PCDHA5: variants seen among roughly 807,000 people sequenced by gnomAD.
The protein encoded by PCDHA5 is protocadherin alpha-5.
PCDHA5 carries 43 observed loss-of-function variants against 61.6 expected under a neutral mutation model. The observed-to-expected ratio is 0.70, with a 90% confidence interval of 0.55 to 0.90. The LOEUF (loss-of-function observed/expected upper bound fraction) is 0.90. PCDHA5 is among the 40% of genes least tolerant of loss of function. PCDHA5 has a pLI of 0.00. For missense variants in PCDHA5, 1,298 were observed against 1,222.7 expected (o/e 1.06, Z -0.92); for synonymous variants, 627 against 543.9 (o/e 1.15, Z -2.13).
intron 1 of PCDHA5, chr5:140,830,564 T>A: frequency 1.0e-6 from 1 of 986,290 alleles, no homozygotes; most frequent in South Asian, 3.1e-5. Flanking sequence ...CTTCTATATT[T>A]CTGTTTTTAA....
At position 140,900,792 on chromosome 5, in the gene PCDHA5, C is replaced by T. The variant is rs373914544; in HGVS notation, c.2352+76665C>T. On this transcript the variant is annotated intron_variant, in intron 1 of 3. Transcript: ENST00000529859. ...CTTTTTGAGGAAACTCCAAACTGTT[C>T]TCCATAGTGCTTGTACTAATTTACA... 1.1e-4 allele frequency among the ~76,000 whole-genome samples: 16 copies of T among 152,298 alleles called. No individual in the cohort carries two copies. The South Asian group carries it at 1.5e-3, about 14-fold the overall frequency.
At chr5:140,873,161 C>G (rs946054760) in intron 1 of PCDHA5, among the ~76,000 whole-genome samples, 2 of 152,012 alleles carry the variant, frequency 1.3e-5, no homozygotes, top group South Asian at 2.1e-4. Context: ...GACTTTAGAT[C>G]GAGAGCTTTT....
Position 140,822,479 on chromosome 5 carries a change from A to G in PCDHA5, c.704A>G (p.Asn235Ser). The change falls in exon 1 of 4, where the codon AAT becomes AGT. Residue 235 changes from asparagine to serine, a missense_variant. Transcript: ENST00000529859. ...VQLLINVLDA[N>S]DNAPEFDKSI... The stretch of plus-strand genomic sequence containing the variant: ...TTGTTGATCAATGTATTGGATGCTA[A>G]TGATAACGCCCCAGAATTTGATAAA... 5 of 1,613,856 alleles carry G rather than the reference A, an allele frequency of 3.1e-6. No homozygotes were observed. The highest frequency in any genetic ancestry group is 4.2e-6 in the Non-Finnish European group (5 of 1,179,942).
chr5:140,925,806 C>A (rs2082736423), intron 1 of PCDHA5, among the ~76,000 whole-genome samples: 1 of 152,148 alleles, frequency 6.6e-6, no homozygotes, highest in South Asian at 2.1e-4. Flanking sequence ...TTCCCCTCCA[C>A]TTCTCACGTC....
At chr5:140,842,020 G>A in intron 1 of PCDHA5, 1 of 1,613,768 alleles carries the variant, frequency 6.2e-7, no homozygotes, top group South Asian at 1.1e-5. Flanking sequence ...TCACAGTGCT[G>A]GATGTGAATG....
At chr5:140,862,583 A>C in intron 1 of PCDHA5, 1 of 494,044 alleles carries the variant, frequency 2.0e-6, no homozygotes, top group South Asian at 1.6e-5. Flanking sequence ...GCGTTCCAGC[A>C]GCCCGAGTAC....
chr5:140,963,526 T>G (rs1359195018), intron 1 of PCDHA5, among the ~76,000 whole-genome samples: 3 of 152,204 alleles, frequency 2.0e-5, no homozygotes, highest in Non-Finnish European at 4.4e-5. Flanking sequence ...ATAACAGAAG[T>G]CCCATTTACT....
chr5:140,941,218 T>TCTTTCTTC, intron 1 of PCDHA5, among the ~76,000 whole-genome samples: 1 of 125,730 alleles, frequency 8.0e-6, no homozygotes, highest in African/African-American at 3.3e-5. Context: ...TTTCTTCCTT[T>TCTTTCTTC]CTTTCTTTCT....
chr5:141,002,335 ACC>A (rs1554258611), intron 3 of PCDHA5, among the ~76,000 whole-genome samples: 81 of 152,230 alleles, frequency 5.3e-4, no homozygotes, highest in African/African-American at 2.0e-3. Flanking sequence ...CTGCATCCGC[ACC>A]CCTTCCCCCA....
intron 1 of PCDHA5, among the ~76,000 whole-genome samples, chr5:140,893,546 A>T (rs765690335): frequency 2.0e-5 from 3 of 152,210 alleles, no homozygotes; most frequent in Non-Finnish European, 4.4e-5. Context: ...TGTAGGACTT[A>T]TCTAGTTGTA....
intron 1 of PCDHA5, among the ~76,000 whole-genome samples, chr5:140,832,944 A>C (rs1253078122): frequency 6.6e-6 from 1 of 152,194 alleles, no homozygotes; most frequent in African/African-American, 2.4e-5. Flanking sequence ...AGAGTAACTT[A>C]AGTGAGTATA....
At chr5:140,954,297 C>T (rs1369831854) in intron 1 of PCDHA5, among the ~76,000 whole-genome samples, 2 of 152,180 alleles carry the variant, frequency 1.3e-5, no homozygotes, top group African/African-American at 4.8e-5. Flanking sequence ...TGGGTACATA[C>T]CCAGTAATGG....
Position 140,823,555 on chromosome 5 carries a change from C to A in PCDHA5, c.1780C>A (p.Arg594Ser). The change falls in exon 1 of 4, where the codon CGC becomes AGC. Residue 594 changes from arginine to serine, a missense_variant. Transcript: ENST00000529859. ...TGCGGGCCACGTGGTGGCGAAGGTG[C>A]GCGCAGTGGACCCTGATTCGGGCTA... The part of the protein sequence containing the change: ...VGAGHVVAKV[R>S]AVDPDSGYNA... The A allele has an allele frequency of 6.2e-7, 1 of 1,613,846 alleles. No homozygotes were observed. The highest frequency in any genetic ancestry group is 8.5e-7 in the Non-Finnish European group (1 of 1,179,902).
intron 1 of PCDHA5, among the ~76,000 whole-genome samples, chr5:140,973,724 G>T (rs1272606867): frequency 6.6e-6 from 1 of 152,176 alleles, no homozygotes; most frequent in Non-Finnish European, 1.5e-5. Context: ...CATCACATGG[G>T]CATCTGGTCT....
At position 140,940,270 on chromosome 5, in the gene PCDHA5, G is replaced by A. The variant is rs1236320412; in HGVS notation, c.2353-38679G>A. Among the ~76,000 whole-genome samples, 4 of 152,094 alleles carry A rather than the reference G, an allele frequency of 2.6e-5. No homozygotes were observed. In the East Asian group the frequency reaches 7.7e-4, roughly 29 times the overall value. ...TCCTCAATATCTTCTGGGTTCCACT[G>A]TTGTCTCATTGTGCTGCTTCATCAG... On this transcript the variant is annotated intron_variant, in intron 1 of 3. Transcript: ENST00000529859.
Position 140,824,124 on chromosome 5 carries a change from C to G in PCDHA5, c.2349C>G (p.Asp783Glu), listed in dbSNP as rs2150132311. 59 of 1,613,132 alleles carry G rather than the reference C, an allele frequency of 3.7e-5. No individual in the cohort carries two copies. The highest frequency in any genetic ancestry group is 4.8e-5 in the Non-Finnish European group (57 of 1,179,186). ...PSLPQGPTST[D>E]NPRQPNPDWR... is the part of the protein sequence containing the mutation. ...TTCCTCAGGGTCCCACCTCTACAGA[C>G]AACGTGAGTTTTCTAATATTAACAT... The change falls in exon 1 of 4, where the codon GAC (aspartate) becomes GAG (glutamate). Residue 783 changes from aspartate (D) to glutamate (E), a missense_variant. Physicochemically the swap from Asp to Glu is conservative, Grantham distance 45 (BLOSUM62 2). Coordinates refer to ENST00000529859, the MANE Select transcript of PCDHA5 (RefSeq NM_018908.3).
At position 140,835,207 on chromosome 5, in the gene PCDHA5, G is replaced by A. The variant is rs2150231838; in HGVS notation, c.2352+11080G>A. The A allele has an allele frequency of 5.0e-5, 79 of 1,567,382 alleles. No individual in the cohort carries two copies. Among genetic ancestry groups the A allele is most frequent in the Non-Finnish European group, 6.5e-5 (75 of 1,153,980 alleles). On this transcript the variant is annotated intron_variant, in intron 1 of 3. Coordinates refer to ENST00000529859, the MANE Select transcript of PCDHA5 (RefSeq NM_018908.3). Reference sequence around the variant, plus strand: ...TCAGATTTAGACGAAGGCTTGAATGGGGATATTATTTACTCCTTCTCCAGT... The same window carrying A: ...TCAGATTTAGACGAAGGCTTGAATGAGGATATTATTTACTCCTTCTCCAGT...
intron 3 of PCDHA5, among the ~76,000 whole-genome samples, chr5:140,999,478 T>C (rs2097859281): frequency 6.6e-6 from 1 of 152,172 alleles, no homozygotes; most frequent in Non-Finnish European, 1.5e-5. Flanking sequence ...AGATTCCAAC[T>C]CAAGTCTATG....
chr5:140,930,257 A>C (rs1412873070), intron 1 of PCDHA5: 1 of 152,218 alleles, frequency 6.6e-6, no homozygotes, highest in Non-Finnish European at 1.5e-5. Flanking sequence ...ACTTGGATTT[A>C]ATTTCTTTTA....
Sources: gnomAD v4.1 joint callset for allele counts (sites outside exome capture counted in the v4.1 genomes callset) on GRCh38, gnomAD v4.1.1 for gene constraint, MANE v1.5 for transcripts, NCBI Gene and HGNC (gene_info 2026-07-23, HGNC 2026-07-21) for gene names.